The following SH3RF3 variants were observed in gnomAD, a reference collection of about 807,000 sequenced individuals.
SH3RF3 encodes SH3 domain containing ring finger 3.
A neutral mutation model predicts 66.3 loss-of-function variants in SH3RF3; 29 were observed. That is an observed-to-expected ratio of 0.44 (90% CI 0.33 to 0.60). The LOEUF (loss-of-function observed/expected upper bound fraction) is 0.60, where lower values mean the gene tolerates loss of function less well. Ranked by LOEUF, SH3RF3 falls within the 20% of genes least tolerant of loss-of-function variation. SH3RF3 has a pLI of 0.04. For synonymous variants in SH3RF3, 583 were observed against 532.0 expected (o/e 1.10, Z -1.32); for missense variants, 1,194 against 1,190.9 (o/e 1.00, Z -0.04).
At chr2:109,416,802 A>G (rs1009360507) in intron 4 of SH3RF3, among the ~76,000 whole-genome samples, 1 of 150,802 alleles carries the variant, frequency 6.6e-6, no homozygotes, top group Non-Finnish European at 1.5e-5. Flanking sequence ...GCTACTCAGG[A>G]GGCTAAGTCG....
intron 4 of SH3RF3, among the ~76,000 whole-genome samples, chr2:109,413,224 C>G (rs1676640982): frequency 6.6e-6 from 1 of 152,202 alleles, no homozygotes; most frequent in African/African-American, 2.4e-5. Context: ...AAACGATTCT[C>G]CTGCCTGAGC....
chr2:109,154,257 A>G lies in SH3RF3; in HGVS notation c.573+24144A>G, dbSNP rs545148193. ...TTTCTGGCCTCACTTGGGTGACCAC[A>G]TTGGATGGAAGCTGGGAAATGGAGG... is the stretch of plus-strand genomic sequence containing the variant. On this transcript the variant is annotated intron_variant, in intron 1 of 9. Coordinates refer to ENST00000309415, the MANE Select transcript of SH3RF3 (RefSeq NM_001099289.3). 6.6e-5 allele frequency among the ~76,000 whole-genome samples: 10 copies of G among 152,230 alleles called. No homozygotes were observed. In the South Asian group the frequency reaches 1.2e-3, roughly 19 times the overall value.
intron 1 of SH3RF3, among the ~76,000 whole-genome samples, chr2:109,290,785 T>G (rs374507916): frequency 9.5e-4 from 145 of 152,348 alleles, no homozygotes; most frequent in African/African-American, 3.3e-3. Context: ...CTTCAGAGCC[T>G]TTACAACACA....
At chr2:109,193,849 G>T (rs982008667) in intron 1 of SH3RF3, among the ~76,000 whole-genome samples, 1 of 152,180 alleles carries the variant, frequency 6.6e-6, no homozygotes, top group Non-Finnish European at 1.5e-5. Context: ...GTCTCGTCTA[G>T]CCCCGGGGAT....
At chr2:109,146,790 GCC>G (rs111312265) in intron 1 of SH3RF3, among the ~76,000 whole-genome samples, 1 of 116,244 alleles carries the variant, frequency 8.6e-6, no homozygotes, top group East Asian at 2.7e-4. Context: ...TTTCTTTAGT[GCC>G]CCCCCCATTC....
intron 6 of SH3RF3, among the ~76,000 whole-genome samples, chr2:109,436,078 G>A (rs1019948828): frequency 1.3e-5 from 2 of 152,238 alleles, no homozygotes; most frequent in East Asian, 1.9e-4. Flanking sequence ...CACAGGAGAC[G>A]GGGCAGGCAG....
intron 4 of SH3RF3, among the ~76,000 whole-genome samples, chr2:109,400,033 C>T (rs1032102120): frequency 6.6e-6 from 1 of 152,212 alleles, no homozygotes; most frequent in Non-Finnish European, 1.5e-5. Flanking sequence ...CGCTGATCTG[C>T]GGGGAATCAT....
At chr2:109,268,939 C>A (rs1680566084) in intron 1 of SH3RF3, among the ~76,000 whole-genome samples, 1 of 152,174 alleles carries the variant, frequency 6.6e-6, no homozygotes, top group Admixed American at 6.5e-5. Context: ...CAGGAAGCAT[C>A]TGTATCTTTT....
chr2:109,485,047 G>A (rs890254266), intron 8 of SH3RF3, among the ~76,000 whole-genome samples: 5 of 152,198 alleles, frequency 3.3e-5, no homozygotes, highest in East Asian at 1.9e-4. Context: ...CGTGTGCAGC[G>A]CAGCATGTGC....
chr2:109,251,033 A>T (rs543456912), intron 1 of SH3RF3, among the ~76,000 whole-genome samples: 1 of 151,576 alleles, frequency 6.6e-6, no homozygotes, highest in South Asian at 2.1e-4. Flanking sequence ...ATTGAGTCTC[A>T]CTCTGTCGCC....
At chr2:109,228,559 T>G (rs1037703711) in intron 1 of SH3RF3, among the ~76,000 whole-genome samples, 1 of 152,106 alleles carries the variant, frequency 6.6e-6, no homozygotes, top group African/African-American at 2.4e-5. Flanking sequence ...ACCCTGCAGG[T>G]TAAGGGCTCA....
chr2:109,161,508 A>AT (rs1677489458), intron 1 of SH3RF3, among the ~76,000 whole-genome samples: 1 of 151,496 alleles, frequency 6.6e-6, no homozygotes, highest in Non-Finnish European at 1.5e-5. Context: ...TCGTAAGGCG[A>AT]TGTTTCCTGG....
intron 4 of SH3RF3, among the ~76,000 whole-genome samples, chr2:109,410,679 T>C (rs1157064042): frequency 1.3e-5 from 2 of 152,218 alleles, no homozygotes; most frequent in Non-Finnish European, 2.9e-5. Context: ...CTTCGGAACA[T>C]GTGTGTCCAC....
intron 1 of SH3RF3, among the ~76,000 whole-genome samples, chr2:109,266,284 T>C (rs1292370400): frequency 6.6e-6 from 1 of 151,292 alleles, no homozygotes; most frequent in Non-Finnish European, 1.5e-5. Flanking sequence ...TATTTGCATG[T>C]TTGTGTTGTG....
intron 3 of SH3RF3, among the ~76,000 whole-genome samples, chr2:109,389,194 CTG>C (rs1675912183): frequency 6.6e-6 from 1 of 152,254 alleles, no homozygotes; most frequent in Non-Finnish European, 1.5e-5. Flanking sequence ...CCCCAGGTGC[CTG>C]TGGGTTTTGA....
At chr2:109,190,017 A>G (rs982733069) in intron 1 of SH3RF3, among the ~76,000 whole-genome samples, 1 of 152,262 alleles carries the variant, frequency 6.6e-6, no homozygotes, top group Non-Finnish European at 1.5e-5. Flanking sequence ...AGAAGTCTAC[A>G]GAACTAAAAA....
intron 8 of SH3RF3, among the ~76,000 whole-genome samples, chr2:109,484,236 C>A (rs1429817639): frequency 1.3e-5 from 2 of 151,962 alleles, no homozygotes. Flanking sequence ...TCAGCTAATT[C>A]TCATATTTTT....
intron 1 of SH3RF3, among the ~76,000 whole-genome samples, chr2:109,217,141 G>A (rs1336953857): frequency 1.3e-5 from 2 of 152,136 alleles, no homozygotes; most frequent in East Asian, 1.9e-4. Context: ...CTATTCCATC[G>A]TACGGTCATC....
intron 1 of SH3RF3, among the ~76,000 whole-genome samples, chr2:109,280,106 C>A (rs114362468): frequency 4.7e-4 from 72 of 152,220 alleles, no homozygotes; most frequent in African/African-American, 1.7e-3. Context: ...TTTTTTTCTG[C>A]ATGTTTTTTG....
Sources: gnomAD v4.1 joint callset for allele counts (sites outside exome capture counted in the v4.1 genomes callset) on GRCh38, gnomAD v4.1.1 for gene constraint, MANE v1.5 for transcripts, NCBI Gene and HGNC (gene_info 2026-07-23, HGNC 2026-07-21) for gene names.